The following MRPS6 variants were observed in gnomAD, a reference collection of about 807,000 sequenced individuals.
MRPS6 encodes mitochondrial ribosomal protein S6, also known as small ribosomal subunit protein bS6m.
MRPS6 carries 6 observed loss-of-function variants against 13.1 expected under a neutral mutation model. The ratio of observed to expected loss-of-function variants is 0.46; its 90% confidence interval spans 0.25 to 0.91. MRPS6 has a LOEUF of 0.91. MRPS6 is among the 40% of genes least tolerant of loss of function. The pLI, the probability that MRPS6 is intolerant of heterozygous loss-of-function variation, is 0.18. For missense variants in MRPS6, 164 were observed against 155.6 expected, an observed-to-expected ratio of 1.05 and a Z score of -0.29; for synonymous variants, 61 against 56.5, an observed-to-expected ratio of 1.08 and a Z score of -0.36.
At chr21:34,080,609 A>G (rs1989436707) in intron 1 of MRPS6, among the ~76,000 whole-genome samples, 1 of 152,198 alleles carries the variant, frequency 6.6e-6, no homozygotes, top group Non-Finnish European at 1.5e-5. Context: ...TAATAGACTA[A>G]TCTTTCCTTT....
Position 34,073,630 on chromosome 21 carries a change from C to G in MRPS6, c.-71C>G, listed in dbSNP as rs945274632. ...GCAGCAGTTTCTAGGTCCCCACTGTCCCCGCCGTCCCGCCCCTTCGCGTCC... is the reference window on the plus strand; with the variant it reads ...GCAGCAGTTTCTAGGTCCCCACTGTGCCCGCCGTCCCGCCCCTTCGCGTCC... On this transcript the variant is annotated 5_prime_UTR_variant, in exon 1 of 3. Coordinates refer to ENST00000399312, the MANE Select transcript of MRPS6 (RefSeq NM_032476.4). 5 of 1,372,240 alleles carry G rather than the reference C, an allele frequency of 3.6e-6. No individual in the cohort carries two copies. Among genetic ancestry groups the G allele is most frequent in the Middle Eastern group, 2.2e-4 (1 of 4,634 alleles). 85.0% of individuals were successfully genotyped at this position (1,372,240 alleles called of 1,614,324 possible).
intron 1 of MRPS6, chr21:34,105,953 A>T: frequency 1.0e-6 from 1 of 992,764 alleles, no homozygotes; most frequent in Non-Finnish European, 1.2e-6. Flanking sequence ...TAAAATTGTA[A>T]ACATGTATGA....
At chr21:34,095,011 C>A (rs1978899165) in intron 1 of MRPS6, 1 of 661,004 alleles carries the variant, frequency 1.5e-6, no homozygotes, top group Non-Finnish European at 2.4e-6. Flanking sequence ...TTTAAACTGT[C>A]TTCTTCAAAG....
intron 1 of MRPS6, among the ~76,000 whole-genome samples, chr21:34,075,026 T>G (rs998488415): frequency 2.6e-5 from 4 of 152,218 alleles, no homozygotes; most frequent in Non-Finnish European, 5.9e-5. Flanking sequence ...CTGTTCAGCC[T>G]CTTGAATATC....
chr21:34,137,798 T>C (rs1053260214), intron 2 of MRPS6, among the ~76,000 whole-genome samples: 3 of 151,792 alleles, frequency 2.0e-5, no homozygotes, highest in Non-Finnish European at 4.4e-5. Flanking sequence ...TTTTTTTTAA[T>C]CAGGAATGGC....
At chr21:34,092,108 T>A (rs919063255) in intron 1 of MRPS6, among the ~76,000 whole-genome samples, 1 of 129,802 alleles carries the variant, frequency 7.7e-6, no homozygotes, top group Admixed American at 8.8e-5. Flanking sequence ...TGTTAACTTC[T>A]TTAAAAGGAA....
chr21:34,097,195 G>C, intron 1 of MRPS6: 1 of 1,614,112 alleles, frequency 6.2e-7, no homozygotes, highest in Non-Finnish European at 8.5e-7. Context: ...GGCTTTAAAA[G>C]TAAGAGCCTC....
intron 2 of MRPS6, 42 bp from the exon 3 acceptor site, chr21:34,142,366 C>T: frequency 1.3e-6 from 2 of 1,531,308 alleles, no homozygotes; most frequent in Non-Finnish European, 1.7e-6. Flanking sequence ...AGAATTATTA[C>T]AATTCAAATG....
At chr21:34,084,850 T>TAA (rs1989536104) in intron 1 of MRPS6, among the ~76,000 whole-genome samples, 1 of 152,200 alleles carries the variant, frequency 6.6e-6, no homozygotes, top group African/African-American at 2.4e-5. Flanking sequence ...ATTTCAGACT[T>TAA]AAAGAGCAGT....
intron 1 of MRPS6, among the ~76,000 whole-genome samples, chr21:34,114,827 A>G (rs940549749): frequency 6.6e-6 from 1 of 152,236 alleles, no homozygotes; most frequent in Non-Finnish European, 1.5e-5. Flanking sequence ...TAACTAATAT[A>G]TAGCTGACAA....
intron 1 of MRPS6, chr21:34,100,161 G>A (rs1475277415): frequency 1.2e-5 from 12 of 999,800 alleles, no homozygotes; most frequent in Non-Finnish European, 1.3e-5. Flanking sequence ...ATGAGGTGAG[G>A]ACACTGGTCT....
At chr21:34,125,532 A>G (rs758450943) in intron 2 of MRPS6, 52 bp downstream of exon 2, 15 of 1,595,434 alleles carry the variant, frequency 9.4e-6, no homozygotes, top group South Asian at 2.3e-5. Context: ...CTCAGTAAAG[A>G]GTACTGTTCA....
chr21:34,097,774 C>A (rs1401516213), intron 1 of MRPS6: 2 of 1,000,628 alleles, frequency 2.0e-6, no homozygotes, highest in Non-Finnish European at 2.4e-6. Context: ...TCCCTCCTAC[C>A]ATTAAGAAAA....
chr21:34,096,398 G>A lies in MRPS6; in HGVS notation c.45+22653G>A, dbSNP rs1978966905. ...TCGATGTGTACAAACTTATCCGCAA[G>A]AGCGCAAGCTCCCGGGAGTTAATGA... On this transcript the variant is annotated intron_variant, in intron 1 of 2. Coordinates refer to ENST00000399312, the MANE Select transcript of MRPS6 (RefSeq NM_032476.4). This position sits in a 1 kb window ranked among gnomAD's most constrained non-coding sequence, Gnocchi z 5.9. 1 of 1,614,206 alleles carries A rather than the reference G, an allele frequency of 6.2e-7. No homozygotes were observed. The highest frequency in any genetic ancestry group is 8.5e-7 in the Non-Finnish European group (1 of 1,180,030).
intron 1 of MRPS6, among the ~76,000 whole-genome samples, chr21:34,107,504 G>T (rs915920024): frequency 6.6e-6 from 1 of 152,146 alleles, no homozygotes; most frequent in Non-Finnish European, 1.5e-5. Flanking sequence ...TGTAATTAGT[G>T]GGGGGATATT....
intron 1 of MRPS6, chr21:34,122,847 C>A (rs1033331160): frequency 2.2e-4 from 33 of 152,026 alleles, no homozygotes; most frequent in African/African-American, 7.7e-4. Context: ...AAATACTGTG[C>A]TGCTGTTAAT....
Position 34,073,686 on chromosome 21 carries a change from G to A in MRPS6, c.-15G>A, listed in dbSNP as rs549066225. The A allele has an allele frequency of 2.6e-6, 4 of 1,518,028 alleles. No homozygotes were observed. In the African/African-American group the frequency reaches 4.3e-5, roughly 16 times the overall value. The allele number at this position is 1,518,028 out of a possible 1,614,324, so 94.0% of individuals were successfully genotyped here. A position where few individuals can be genotyped will look rare whatever the true frequency, so the allele number is the denominator to read the frequency against. The stretch of plus-strand genomic sequence containing the variant: ...ACCGGCTGGCTTCCGAGCCGCACTC[G>A]CCGATCCTCCAGGCATGCCCCGCTA... On this transcript the variant is annotated 5_prime_UTR_variant, in exon 1 of 3. Transcript: ENST00000399312.
chr21:34,133,961 A>G (rs1161904368), intron 2 of MRPS6, among the ~76,000 whole-genome samples: 2 of 152,206 alleles, frequency 1.3e-5, no homozygotes, highest in Non-Finnish European at 2.9e-5. Context: ...GAAGGAAAAA[A>G]GCATTGGGCC....
At chr21:34,099,834 T>A in intron 1 of MRPS6, 1 of 542,792 alleles carries the variant, frequency 1.8e-6, no homozygotes, top group Non-Finnish European at 2.4e-6. Context: ...TCATTTTATT[T>A]AGACTAAAGT....
Sources: gnomAD v4.1 joint callset for allele counts (sites outside exome capture counted in the v4.1 genomes callset) on GRCh38, gnomAD v4.1.1 for gene constraint, Gnocchi (gnomAD v3.1) non-coding constraint, MANE v1.5 for transcripts, NCBI Gene and HGNC (gene_info 2026-07-23, HGNC 2026-07-21) for gene names.